The following KHDRBS2 variants were observed in gnomAD, a reference collection of about 807,000 sequenced individuals.
The protein encoded by KHDRBS2 is KH domain-containing, RNA-binding, signal transduction-associated protein 2.
KHDRBS2 carries 26 observed loss-of-function variants against 44.3 expected under a neutral mutation model. The observed-to-expected ratio is 0.59, with a 90% CI of 0.43 to 0.81. The LOEUF (loss-of-function observed/expected upper bound fraction) is 0.81. Ranked by LOEUF, KHDRBS2 falls within the 40% of genes least tolerant of loss-of-function variation. KHDRBS2 has a pLI of 0.00. For synonymous variants in KHDRBS2, 194 were observed against 151.1 expected, an observed-to-expected ratio of 1.28 and a Z score of -2.08; for missense variants, 476 against 433.1, an observed-to-expected ratio of 1.10 and a Z score of -0.88.
chr6:62,182,757 T>C (rs899376140), intron 1 of KHDRBS2, among the ~76,000 whole-genome samples: 4 of 151,970 alleles, frequency 2.6e-5, no homozygotes, highest in African/African-American at 4.8e-5. Flanking sequence ...AATTCTTTTA[T>C]ATTAAGAATG....
intron 7 of KHDRBS2, among the ~76,000 whole-genome samples, chr6:61,704,275 C>T (rs904487411): frequency 1.3e-5 from 2 of 151,732 alleles, no homozygotes. Context: ...ATAAATGGGG[C>T]TGAAAAAGGC....
intron 4 of KHDRBS2, among the ~76,000 whole-genome samples, chr6:61,967,404 TAGATAGATAGAC>T (rs924460666): frequency 2.4e-4 from 5 of 20,516 alleles, no homozygotes; most frequent in African/African-American, 9.3e-4. Flanking sequence ...AGATAGATGA[TAGATAGATAGAC>T]AGATAGATAG....
intron 4 of KHDRBS2, among the ~76,000 whole-genome samples, chr6:61,906,470 G>T (rs189654751): frequency 6.6e-6 from 1 of 151,440 alleles, no homozygotes; most frequent in African/African-American, 2.4e-5. Context: ...ACTTCATTGT[G>T]CTACCAAATA....
At position 61,782,738 on chromosome 6, in the gene KHDRBS2, T is replaced by TACAC. The variant is rs1400123799; in HGVS notation, c.811-49978_811-49975dup. 6.1e-3 allele frequency among the ~76,000 whole-genome samples: 723 copies of TACAC among 117,634 alleles called. 19 individuals carry two copies. The highest frequency in any genetic ancestry group is 0.016 in the South Asian group (58 of 3,582). The allele number at this position is 117,634 out of a possible 152,430, so 77.2% of individuals were successfully genotyped here. A position where few individuals can be genotyped will look rare whatever the true frequency, so the allele number is the denominator to read the frequency against. ...ATATATATATATATATATATATATATACACACACACATATACATATACATA... is the reference window on the plus strand; with the variant it reads ...ATATATATATATATATATATATATATACACACACACACACATATACATATACATA... On this transcript the variant is annotated intron_variant, in intron 6 of 8. Coordinates refer to ENST00000281156, the MANE Select transcript of KHDRBS2 (RefSeq NM_152688.4).
At chr6:61,896,374 C>T (rs1437227648) in intron 5 of KHDRBS2, among the ~76,000 whole-genome samples, 1 of 152,112 alleles carries the variant, frequency 6.6e-6, no homozygotes, top group Non-Finnish European at 1.5e-5. Context: ...ACTACCTAGG[C>T]TTAAGATAGA....
intron 2 of KHDRBS2, among the ~76,000 whole-genome samples, chr6:62,165,954 C>A (rs1216370529): frequency 2.6e-5 from 4 of 151,950 alleles, no homozygotes; most frequent in Admixed American, 6.6e-5. Flanking sequence ...CATTAATGAA[C>A]AATTTATCAT....
the KHDRBS2 span, chr6:61,659,023 T>G: frequency 7.9e-5 from 12 of 152,012 alleles, no homozygotes; most frequent in Middle Eastern, 6.8e-3. Flanking sequence ...TATTCATGTT[T>G]AATACTGCTT....
intron 2 of KHDRBS2, among the ~76,000 whole-genome samples, chr6:62,128,543 GAT>G (rs1491129978): frequency 9.6e-5 from 10 of 104,320 alleles, no homozygotes; most frequent in Non-Finnish European, 2.1e-4. Flanking sequence ...TTCTTTTAAT[GAT>G]CTCTCTCTCT....
At chr6:61,862,152 C>G (rs992536897) in intron 6 of KHDRBS2, among the ~76,000 whole-genome samples, 3 of 151,918 alleles carry the variant, frequency 2.0e-5, no homozygotes, top group Non-Finnish European at 2.9e-5. Context: ...ATAAAGGAAA[C>G]CTTTGCAACC....
chr6:62,141,629 T>C (rs1584927607), intron 2 of KHDRBS2, among the ~76,000 whole-genome samples: 1 of 152,158 alleles, frequency 6.6e-6, no homozygotes. Context: ...AAATGTATCA[T>C]AGGCTCATGA....
chr6:61,751,231 T>C (rs1341198731), intron 6 of KHDRBS2, among the ~76,000 whole-genome samples: 1 of 152,204 alleles, frequency 6.6e-6, no homozygotes, highest in African/African-American at 2.4e-5. Flanking sequence ...TTTTTCAAAA[T>C]TTATACACAG....
chr6:62,277,999 C>T (rs1206352331), intron 1 of KHDRBS2, among the ~76,000 whole-genome samples: 2 of 152,108 alleles, frequency 1.3e-5, no homozygotes, highest in Non-Finnish European at 2.9e-5. Flanking sequence ...TGGATATTTG[C>T]TAACATTAAT....
At chr6:61,614,392 C>A in the KHDRBS2 span, among the ~76,000 whole-genome samples, 1 of 152,098 alleles carries the variant, frequency 6.6e-6, no homozygotes, top group Non-Finnish European at 1.5e-5. Context: ...AAAAAAGAAT[C>A]CTTTGCTAGG....
rs903368816 is a variant in KHDRBS2 at position 62,224,407 on chromosome 6, G to T, written c.92-47095C>A. 1.7e-4 allele frequency among the ~76,000 whole-genome samples: 26 copies of T among 151,628 alleles called. 1 individual carries two copies. The highest frequency in any genetic ancestry group is 6.6e-4 in the Admixed American group (10 of 15,222). Reference sequence around the variant, plus strand: ...GGGACACAGCCAAACCATATCAGTGGGTGTGTGTGTGTGTAAAGTGTAGGT... The same window carrying T: ...GGGACACAGCCAAACCATATCAGTGTGTGTGTGTGTGTGTAAAGTGTAGGT... On this transcript the variant is annotated intron_variant, in intron 1 of 8. Transcript: ENST00000281156.
chr6:62,273,066 AG>A (rs1200255276), intron 1 of KHDRBS2, among the ~76,000 whole-genome samples: 1 of 152,182 alleles, frequency 6.6e-6, no homozygotes, highest in Non-Finnish European at 1.5e-5. Flanking sequence ...CTTTAATTCT[AG>A]GAAGAAATAA....
At position 62,223,544 on chromosome 6, in the gene KHDRBS2, T is replaced by C. The variant is rs148507244; in HGVS notation, c.92-46232A>G. ...TTCTGCAGCCAGCTTGAATTTTTCCTCAGAAAATGGGTTTTACTTTTCTAT... is the reference window on the plus strand; with the variant it reads ...TTCTGCAGCCAGCTTGAATTTTTCCCCAGAAAATGGGTTTTACTTTTCTAT... On this transcript the variant is annotated intron_variant, in intron 1 of 8. Transcript: ENST00000281156. Among the ~76,000 whole-genome samples the C allele has an allele frequency of 9.3e-3, 1,411 of 152,314 alleles. 6 individuals carry two copies. Among genetic ancestry groups the C allele is most frequent in the South Asian group, 0.02 (96 of 4,830 alleles).
At chr6:62,000,206 T>C (rs749975558) in intron 3 of KHDRBS2, among the ~76,000 whole-genome samples, 1 of 152,046 alleles carries the variant, frequency 6.6e-6, no homozygotes, top group Non-Finnish European at 1.5e-5. Flanking sequence ...TGAGTTCTGG[T>C]TTAAAAAGAT....
chr6:62,164,601 G>A (rs968062402), intron 2 of KHDRBS2, among the ~76,000 whole-genome samples: 3 of 151,838 alleles, frequency 2.0e-5, no homozygotes, highest in South Asian at 2.1e-4. Flanking sequence ...GTATACACAT[G>A]CATGTATACC....
chr6:62,226,952 T>C (rs889304091), intron 1 of KHDRBS2, among the ~76,000 whole-genome samples: 2 of 152,232 alleles, frequency 1.3e-5, no homozygotes, highest in African/African-American at 4.8e-5. Context: ...TGAAATCAGA[T>C]AGCATGATGA....
Sources: allele counts gnomAD v4.1 joint callset (sites outside exome capture counted in the v4.1 genomes callset), GRCh38; gene constraint gnomAD v4.1.1; transcripts MANE v1.5; gene names NCBI Gene and HGNC (gene_info 2026-07-23, HGNC 2026-07-21).